The following FNIP2 variants were observed in gnomAD, a reference collection of about 807,000 sequenced individuals.
FNIP2 encodes folliculin-interacting protein 2.
Under a neutral mutation model 108.7 loss-of-function variants are expected in FNIP2, and 32 were observed. The ratio of observed to expected loss-of-function variants is 0.29; its 90% CI spans 0.22 to 0.40. The LOEUF is 0.40. Among genes scored for constraint, FNIP2 ranks in the 10% least tolerant of loss-of-function variants. The pLI is 1.00. For synonymous variants in FNIP2, 480 were observed against 496.7 expected (o/e 0.97, Z 0.45); for missense variants, 1,202 against 1,381.6 (o/e 0.87, Z 2.06).
chr4:158,825,116 T>C (rs1333958013), intron 1 of FNIP2, among the ~76,000 whole-genome samples: 1 of 152,224 alleles, frequency 6.6e-6, no homozygotes, highest in Non-Finnish European at 1.5e-5. Flanking sequence ...GCAACCACAG[T>C]GCCTGGAACA....
At chr4:158,859,370 T>G in intron 9 of FNIP2, 112 bp downstream of exon 9, 1 of 1,225,228 alleles carries the variant, frequency 8.2e-7, no homozygotes, top group Non-Finnish European at 1.1e-6. Context: ...TTAAATCACC[T>G]GTAGCAGTGA....
At chr4:158,774,427 G>A (rs1210092189) in intron 1 of FNIP2, among the ~76,000 whole-genome samples, 1 of 152,090 alleles carries the variant, frequency 6.6e-6, no homozygotes, top group African/African-American at 2.4e-5. Flanking sequence ...AACTTAAATA[G>A]CATTTAGCAT....
At position 158,908,048 on chromosome 4, in the gene FNIP2, G is replaced by A. The variant is rs1729990197; in HGVS notation, c.*3504G>A. 1 of 152,072 alleles carries A rather than the reference G, an allele frequency of 6.6e-6. No homozygotes were observed. The highest frequency in any genetic ancestry group is 6.6e-5 in the Admixed American group (1 of 15,260). The allele number at this position is 152,072 out of a possible 1,614,324, so 9.4% of individuals were successfully genotyped here. A position where few individuals can be genotyped will look rare whatever the true frequency, so the allele number is the denominator to read the frequency against. On this transcript the variant is annotated 3_prime_UTR_variant, in exon 17 of 17. Coordinates refer to ENST00000264433, the MANE Select transcript of FNIP2 (RefSeq NM_020840.3). ...GCAATAAAACTTTTGAATTTATCTT[G>A]AACATTTTCCTGGTGCTGCATGCGA...
At chr4:158,776,993 A>G (rs941130581) in intron 1 of FNIP2, among the ~76,000 whole-genome samples, 21 of 152,184 alleles carry the variant, frequency 1.4e-4, no homozygotes, top group African/African-American at 4.1e-4. Flanking sequence ...TGGTATCAAA[A>G]TGATAGGGTA....
chr4:158,904,016 T>G (rs913761914), intron 16 of FNIP2, among the ~76,000 whole-genome samples: 2 of 152,236 alleles, frequency 1.3e-5, no homozygotes, highest in African/African-American at 2.4e-5. Flanking sequence ...TTCCCAATGT[T>G]TTTTAAGAAA....
At chr4:158,787,716 C>T (rs1578823585) in intron 1 of FNIP2, among the ~76,000 whole-genome samples, 1 of 152,266 alleles carries the variant, frequency 6.6e-6, no homozygotes, top group Non-Finnish European at 1.5e-5. Flanking sequence ...TGTTGTTGGA[C>T]TTTTTTGTTA....
At chr4:158,839,655 A>G (rs1779013372) in intron 7 of FNIP2, among the ~76,000 whole-genome samples, 1 of 152,228 alleles carries the variant, frequency 6.6e-6, no homozygotes. Flanking sequence ...GGCATGAGCC[A>G]CAGCACCCCA....
At chr4:158,877,154 C>A (rs574597917) in intron 14 of FNIP2, among the ~76,000 whole-genome samples, 1 of 152,330 alleles carries the variant, frequency 6.6e-6, no homozygotes, top group Admixed American at 6.5e-5. Context: ...CAACTTCCGA[C>A]TGAATTTTAC....
At chr4:158,863,388 A>G (rs1780401362) in intron 12 of FNIP2, among the ~76,000 whole-genome samples, 1 of 152,238 alleles carries the variant, frequency 6.6e-6, no homozygotes, top group Non-Finnish European at 1.5e-5. Context: ...CCAGGTTCCT[A>G]AGTATAGAGA....
chr4:158,820,648 C>G (rs79750167), intron 1 of FNIP2, among the ~76,000 whole-genome samples: 1 of 152,138 alleles, frequency 6.6e-6, no homozygotes, highest in Non-Finnish European at 1.5e-5. Context: ...TCCTCAGGTG[C>G]CTTTCTAGCC....
At chr4:158,841,261 G>A (rs1213207043) in intron 7 of FNIP2, among the ~76,000 whole-genome samples, 1 of 152,194 alleles carries the variant, frequency 6.6e-6, no homozygotes, top group African/African-American at 2.4e-5. Flanking sequence ...TAAGGCTGGG[G>A]TGAGGGTTCC....
intron 14 of FNIP2, among the ~76,000 whole-genome samples, chr4:158,887,985 AC>A (rs1782107326): frequency 6.6e-6 from 1 of 152,098 alleles, no homozygotes; most frequent in Admixed American, 6.6e-5. Context: ...TTTAGCTTCA[AC>A]TCTCTGACCC....
In FNIP2 at chr4:158,785,518, G is replaced by A. The variant is rs890821055; in HGVS notation, c.107+16199G>A. Among the ~76,000 whole-genome samples, 4 of 152,084 alleles carry A rather than the reference G, an allele frequency of 2.6e-5. No individual in the cohort carries two copies. The East Asian group carries it at 7.7e-4, about 29-fold the overall frequency. On this transcript the variant is annotated intron_variant, in intron 1 of 16. Coordinates refer to ENST00000264433, the MANE Select transcript of FNIP2 (RefSeq NM_020840.3). Reference sequence around the variant, plus strand: ...TTTAATTTTAAATTTAATAAGAGATGAGGTCTTGCTATATTGACCAGGCTG... The same window carrying A: ...TTTAATTTTAAATTTAATAAGAGATAAGGTCTTGCTATATTGACCAGGCTG...
chr4:158,851,154 T>C (rs993463221), intron 7 of FNIP2, among the ~76,000 whole-genome samples, 167 bp from the exon 8 acceptor site: 6 of 152,196 alleles, frequency 3.9e-5, no homozygotes, highest in African/African-American at 1.4e-4. Flanking sequence ...GCAAAGGTAA[T>C]TGCGGGTTTT....
chr4:158,828,958 T>C (rs1379618380), intron 2 of FNIP2, 121 bp from the exon 3 acceptor site: 2 of 775,866 alleles, frequency 2.6e-6, no homozygotes, highest in Non-Finnish European at 3.9e-6. Context: ...AAAAAAAAGC[T>C]TCTGTTTTTT....
chr4:158,902,939 AC>A (rs1729467641), intron 16 of FNIP2, among the ~76,000 whole-genome samples: 1 of 151,266 alleles, frequency 6.6e-6, no homozygotes, highest in East Asian at 2.0e-4. Flanking sequence ...CATGGGACCC[AC>A]TGAGCCAGAC....
intron 7 of FNIP2, among the ~76,000 whole-genome samples, chr4:158,843,436 C>T (rs1170985056): frequency 1.3e-5 from 2 of 152,062 alleles, no homozygotes; most frequent in Non-Finnish European, 1.5e-5. Context: ...CCTCATGTGG[C>T]GGACATTTTT....
At chr4:158,773,311 A>AT (rs767060215) in intron 1 of FNIP2, among the ~76,000 whole-genome samples, 17 of 152,050 alleles carry the variant, frequency 1.1e-4, no homozygotes, top group Non-Finnish European at 2.2e-4. Flanking sequence ...CTGGTTAGTG[A>AT]TTTTTTCAGA....
Position 158,869,361 on chromosome 4 carries a change from A to C in FNIP2, c.2725A>C (p.Met909Leu), listed in dbSNP as rs775536972. 3.3e-5 allele frequency: 53 copies of C among 1,612,572 alleles called. No homozygotes were observed. The highest frequency in any genetic ancestry group is 4.5e-5 in the Non-Finnish European group (53 of 1,179,394). Residue 909 changes from methionine to leucine, a missense_variant, in exon 13 of 17, where the codon ATG becomes CTG. Met to Leu is a conservative substitution (Grantham distance 15). This residue lies in a region of FNIP2 where 878 missense variants were observed against 990.3 expected (regional missense o/e 0.89). Transcript: ENST00000264433. Reference sequence around the variant, plus strand: ...TGACGACGAAGCCTGCGCTTCAGCCATGCTAGATCTGGGTCACGGTGGTGA... The same window carrying C: ...TGACGACGAAGCCTGCGCTTCAGCCCTGCTAGATCTGGGTCACGGTGGTGA... The part of the protein sequence containing the change: ...DSDDEACASA[M>L]LDLGHGGDRT...
Sources: gnomAD v4.1 joint callset for allele counts (sites outside exome capture counted in the v4.1 genomes callset) on GRCh38, gnomAD v4.1.1 for gene constraint, gnomAD v4.1.1 regional missense constraint, MANE v1.5 for transcripts, NCBI Gene and HGNC (gene_info 2026-07-23, HGNC 2026-07-21) for gene names.